The following ASTN2 variants were observed in gnomAD, a reference collection of about 807,000 sequenced individuals.
ASTN2 encodes astrotactin-2.
A neutral mutation model predicts 139.8 loss-of-function variants in ASTN2; 54 were observed. That is an observed-to-expected ratio of 0.39 (90% CI 0.31 to 0.48). The LOEUF is 0.48. Among genes scored for constraint, ASTN2 ranks in the 20% least tolerant of loss-of-function variants. The probability of loss-of-function intolerance (pLI) is 0.95; values close to 1 mark genes in which losing one functional copy is unlikely to be tolerated. For missense variants in ASTN2, 1,565 were observed against 1,725.1 expected (o/e 0.91, Z 1.64); for synonymous variants, 756 against 719.5 (o/e 1.05, Z -0.81).
intron 1 of ASTN2, among the ~76,000 whole-genome samples, chr9:117,401,843 A>G (rs1240587096): frequency 6.6e-6 from 1 of 152,164 alleles, no homozygotes; most frequent in Non-Finnish European, 1.5e-5. Context: ...CTTTTTGTCA[A>G]CTATTTTTAA....
At chr9:116,833,739 A>G (rs949469435) in intron 11 of ASTN2, among the ~76,000 whole-genome samples, 4 of 152,166 alleles carry the variant, frequency 2.6e-5, no homozygotes, top group African/African-American at 9.7e-5. Flanking sequence ...TTTCTGTTAT[A>G]TCTATTATGG....
chr9:117,242,111 C>G (rs551419062), intron 2 of ASTN2, among the ~76,000 whole-genome samples: 22 of 145,528 alleles, frequency 1.5e-4, no homozygotes, highest in Non-Finnish European at 2.7e-4. Flanking sequence ...AGTTTACAAC[C>G]TCTGTCCTAT....
intron 1 of ASTN2, among the ~76,000 whole-genome samples, chr9:117,321,519 C>T (rs982592308): frequency 6.6e-6 from 1 of 152,092 alleles, no homozygotes; most frequent in Non-Finnish European, 1.5e-5. Context: ...ATACATAGCT[C>T]CTAGTAAAAA....
intron 22 of ASTN2, among the ~76,000 whole-genome samples, chr9:116,435,073 A>G (rs1399368255): frequency 6.6e-6 from 1 of 152,150 alleles, no homozygotes; most frequent in African/African-American, 2.4e-5. Flanking sequence ...CAGAAACAAG[A>G]CGTGCAGGGC....
rs185523917 is a variant in ASTN2 at position 117,230,498 on chromosome 9, C to G, written c.631-15756G>C. On this transcript the variant is annotated intron_variant, in intron 2 of 22. Coordinates refer to ENST00000313400, the MANE Select transcript of ASTN2 (RefSeq NM_001365068.1). ...CACCCTAAGTCAGGGATGATTTCAT[C>G]GTAAGATCCTTAATTAATTACATCT... Among the ~76,000 whole-genome samples, 15 of 152,294 alleles carry G rather than the reference C, an allele frequency of 9.8e-5. No individual in the cohort carries two copies. The East Asian group carries it at 2.5e-3, about 26-fold the overall frequency.
chr9:117,164,777 G>T (rs1830632012), intron 3 of ASTN2, among the ~76,000 whole-genome samples: 1 of 152,056 alleles, frequency 6.6e-6, no homozygotes, highest in African/African-American at 2.4e-5. Flanking sequence ...ACTTTGCTGG[G>T]AGCCTACCCA....
intron 10 of ASTN2, among the ~76,000 whole-genome samples, chr9:116,945,707 T>G (rs1397805145): frequency 6.6e-6 from 1 of 152,034 alleles, no homozygotes; most frequent in Non-Finnish European, 1.5e-5. Context: ...TTGGCCAATA[T>G]TTTTCTTAGT....
At chr9:117,260,598 G>T (rs1342634504) in intron 2 of ASTN2, among the ~76,000 whole-genome samples, 1 of 152,168 alleles carries the variant, frequency 6.6e-6, no homozygotes, top group Non-Finnish European at 1.5e-5. Flanking sequence ...GTCAGAAATT[G>T]TGATTTCTTT....
At chr9:117,409,998 C>T (rs918598906) in intron 1 of ASTN2, among the ~76,000 whole-genome samples, 4 of 152,202 alleles carry the variant, frequency 2.6e-5, no homozygotes, top group Non-Finnish European at 5.9e-5. Context: ...ACCCCGCCAG[C>T]TCTACGCATG....
At chr9:117,025,124 C>A (rs866188383) in intron 6 of ASTN2, among the ~76,000 whole-genome samples, 7 of 152,036 alleles carry the variant, frequency 4.6e-5, no homozygotes, top group African/African-American at 1.4e-4. Flanking sequence ...CTAATACAAG[C>A]GGCAAAGGGA....
rs981036755 is a variant in ASTN2 at position 117,357,598 on chromosome 9, G to A, written c.442+56899C>T. 8.6e-5 allele frequency among the ~76,000 whole-genome samples: 13 copies of A among 152,016 alleles called. No homozygotes were observed. The East Asian group carries it at 9.8e-4, about 11-fold the overall frequency. On this transcript the variant is annotated intron_variant, in intron 1 of 22. Transcript: ENST00000313400. ...CTTAGCCAGGCCAAGCAGAGAAGGTGGAATTAAAGTCACCTTTAGTGTTAT... is the reference window on the plus strand; with the variant it reads ...CTTAGCCAGGCCAAGCAGAGAAGGTAGAATTAAAGTCACCTTTAGTGTTAT...
intron 1 of ASTN2, among the ~76,000 whole-genome samples, chr9:117,389,323 T>C (rs1830484647): frequency 6.6e-6 from 1 of 152,158 alleles, no homozygotes; most frequent in East Asian, 1.9e-4. Flanking sequence ...ACAAACCTAA[T>C]TGCATTACAC....
intron 11 of ASTN2, among the ~76,000 whole-genome samples, chr9:116,845,121 T>G (rs555562464): frequency 6.6e-6 from 1 of 152,278 alleles, no homozygotes; most frequent in Admixed American, 6.5e-5. Context: ...CATACCATTC[T>G]TTCTTTTTTT....
chr9:116,792,785 C>T (rs1830592233), intron 13 of ASTN2, among the ~76,000 whole-genome samples: 1 of 152,126 alleles, frequency 6.6e-6, no homozygotes, highest in African/African-American at 2.4e-5. Flanking sequence ...TTCCTGCTTT[C>T]AAACTGGCAA....
intron 19 of ASTN2, among the ~76,000 whole-genome samples, chr9:116,507,949 T>C: frequency 6.6e-6 from 1 of 152,104 alleles, no homozygotes; most frequent in South Asian, 2.1e-4. Context: ...AGTACAATGG[T>C]GTCATCTTGG....
At chr9:116,991,157 GAC>G (rs5900247) in intron 7 of ASTN2, among the ~76,000 whole-genome samples, 95,376 of 151,668 alleles carry the variant, frequency 0.63, 34,063 homozygotes, top group Non-Finnish European at 0.79. Flanking sequence ...AAAAGGTGGG[GAC>G]ACACACACAC....
intron 6 of ASTN2, among the ~76,000 whole-genome samples, chr9:117,019,374 G>A (rs1370308969): frequency 6.6e-5 from 10 of 152,066 alleles, no homozygotes; most frequent in African/African-American, 2.4e-4. Flanking sequence ...ATGGGGCCAA[G>A]CATCCAAAAA....
At chr9:117,367,134 G>A (rs1829865766) in intron 1 of ASTN2, among the ~76,000 whole-genome samples, 1 of 152,148 alleles carries the variant, frequency 6.6e-6, no homozygotes, top group Admixed American at 6.5e-5. Context: ...AATAGAGGCT[G>A]TCTTACATAG....
intron 14 of ASTN2, among the ~76,000 whole-genome samples, chr9:116,731,940 C>T (rs974959601): frequency 6.6e-6 from 1 of 152,098 alleles, no homozygotes; most frequent in Non-Finnish European, 1.5e-5. Flanking sequence ...GACTTGATTC[C>T]TCATTAGGAG....
Sources: gnomAD v4.1 joint callset for allele counts (sites outside exome capture counted in the v4.1 genomes callset) on GRCh38, gnomAD v4.1.1 for gene constraint, MANE v1.5 for transcripts, NCBI Gene and HGNC (gene_info 2026-07-23, HGNC 2026-07-21) for gene names.